IL1RAPL1: variants seen among roughly 807,000 people sequenced by gnomAD.
IL1RAPL1 encodes the protein interleukin 1 receptor accessory protein like 1, also known as interleukin-1 receptor accessory protein-like 1.
Under a neutral mutation model 48.4 loss-of-function variants are expected in IL1RAPL1, and 3 were observed. The observed-to-expected ratio is 0.06, with a 90% CI of 0.03 to 0.16. IL1RAPL1 has a LOEUF of 0.16. Ranked by LOEUF, IL1RAPL1 falls within the 10% of genes least tolerant of loss-of-function variation. The pLI, the probability that IL1RAPL1 is intolerant of heterozygous loss-of-function variation, is 1.00. For missense variants in IL1RAPL1, 349 were observed against 530.6 expected (o/e 0.66, Z 3.36); for synonymous variants, 185 against 187.7 (o/e 0.99, Z 0.12).
chrX:29,077,625 A>AAAGAG (rs200392530), intron 2 of IL1RAPL1, among the ~76,000 whole-genome samples: 1,278 of 107,540 alleles, frequency 0.012, 28 homozygotes, highest in African/African-American at 0.042. Flanking sequence ...AAAAAAAAGA[A>AAAGAG]AAAGAAAACC....
At chrX:29,325,988 G>A (rs748187629) in intron 3 of IL1RAPL1, among the ~76,000 whole-genome samples, 64 of 111,649 alleles carry the variant, frequency 5.7e-4, no homozygotes, top group African/African-American at 2.0e-3. Context: ...CCATTCATGA[G>A]GGATCTGTTT....
At chrX:29,873,886 A>T (rs952711515) in intron 6 of IL1RAPL1, among the ~76,000 whole-genome samples, 2 of 111,661 alleles carry the variant, frequency 1.8e-5, no homozygotes, top group Non-Finnish European at 3.8e-5. Flanking sequence ...AAATATTACG[A>T]GGTTATCTGT....
At chrX:28,894,895 A>G (rs960368332) in intron 2 of IL1RAPL1, among the ~76,000 whole-genome samples, 1 of 110,486 alleles carries the variant, frequency 9.1e-6, no homozygotes, top group African/African-American at 3.3e-5. Flanking sequence ...GGGAGAGCAC[A>G]TGTGTTTTTA....
chrX:29,399,225 G>A lies in IL1RAPL1; in HGVS notation c.620G>A (p.Arg207Lys), dbSNP rs752422198. The A allele has an allele frequency of 4.2e-6, 5 of 1,195,520 alleles. No individual in the cohort carries two copies. In the East Asian group the frequency reaches 1.5e-4, roughly 36 times the overall value. The change falls in exon 5 of 11, where the codon AGA becomes AAA. Residue 207 changes from arginine to lysine, a missense_variant. Physicochemically the swap from Arg to Lys is conservative, Grantham distance 26. Transcript: ENST00000378993. Reference protein sequence around the residue: ...KRDTLLIREVREDDIGNYTCE... With the variant: ...KRDTLLIREVKEDDIGNYTCE... The stretch of plus-strand genomic sequence containing the variant: ...GATACTCTGCTTATAAGAGAAGTCA[G>A]AGAAGATGACATTGGAAATTATACC...
rs750081642 is a variant in IL1RAPL1 at position 29,638,731 on chromosome X, C to G, written c.704-29699C>G. 2.4e-3 allele frequency among the ~76,000 whole-genome samples: 271 copies of G among 111,913 alleles called. 1 individual carries two copies. Among genetic ancestry groups the G allele is most frequent in the African/African-American group, 8.4e-3 (258 of 30,841 alleles). On this transcript the variant is annotated intron_variant, in intron 5 of 10. Coordinates refer to ENST00000378993, the MANE Select transcript of IL1RAPL1 (RefSeq NM_014271.4). ...TGTGCTATGTCGAGTTATCTTTTATCAAAAGAACTGTTAGTAACTGAGGAC... is the reference window on the plus strand; with the variant it reads ...TGTGCTATGTCGAGTTATCTTTTATGAAAAGAACTGTTAGTAACTGAGGAC...
intron 6 of IL1RAPL1, among the ~76,000 whole-genome samples, chrX:29,674,611 T>A (rs1351172519): frequency 2.7e-5 from 3 of 111,549 alleles, no homozygotes; most frequent in Non-Finnish European, 5.6e-5. Flanking sequence ...CATTTGTAGG[T>A]TTGTTATATA....
intron 2 of IL1RAPL1, among the ~76,000 whole-genome samples, chrX:28,924,360 C>T (rs1188256791): frequency 9.0e-6 from 1 of 111,067 alleles, no homozygotes; most frequent in Non-Finnish European, 1.9e-5. Context: ...ACTTTAATAC[C>T]CATTAATGAG....
intron 3 of IL1RAPL1, among the ~76,000 whole-genome samples, chrX:29,289,028 GT>G (rs1017765643): frequency 1.8e-5 from 2 of 111,030 alleles, no homozygotes; most frequent in African/African-American, 6.5e-5. Flanking sequence ...TTTCTCATAA[GT>G]TTTTTTAAGT....
chrX:29,328,506 C>T (rs957737009), intron 3 of IL1RAPL1, among the ~76,000 whole-genome samples: 4 of 110,391 alleles, frequency 3.6e-5, no homozygotes, highest in African/African-American at 1.3e-4. Context: ...CCTCAGGTGA[C>T]TACAAGTAAG....
chrX:29,422,202 A>G lies in IL1RAPL1; in HGVS notation c.703+22894A>G, dbSNP rs758697972. 2.7e-5 allele frequency among the ~76,000 whole-genome samples: 3 copies of G among 111,639 alleles called. No homozygotes were observed. The Admixed American group carries it at 2.9e-4, about 11-fold the overall frequency. ...TCTCTTTGGAATTTGAATGAGCCTGAGAGACAGGTTAGTCTTCCACAGAGG... is the reference window on the plus strand; with the variant it reads ...TCTCTTTGGAATTTGAATGAGCCTGGGAGACAGGTTAGTCTTCCACAGAGG... On this transcript the variant is annotated intron_variant, in intron 5 of 10. Coordinates refer to ENST00000378993, the MANE Select transcript of IL1RAPL1 (RefSeq NM_014271.4).
At chrX:29,562,888 G>T (rs1375456574) in intron 5 of IL1RAPL1, among the ~76,000 whole-genome samples, 1 of 111,811 alleles carries the variant, frequency 8.9e-6, no homozygotes, top group East Asian at 2.8e-4. Flanking sequence ...CTATTGGCAA[G>T]ATAGAACATG....
At chrX:29,009,763 C>T (rs1227989512) in intron 2 of IL1RAPL1, among the ~76,000 whole-genome samples, 1 of 111,576 alleles carries the variant, frequency 9.0e-6, no homozygotes, top group Non-Finnish European at 1.9e-5. Context: ...CATATAAATT[C>T]TGGAATAGTT....
chrX:29,316,268 G>A (rs1055650776), intron 3 of IL1RAPL1, among the ~76,000 whole-genome samples: 12 of 111,997 alleles, frequency 1.1e-4, no homozygotes, highest in Non-Finnish European at 2.1e-4. Context: ...CCAGAACCAC[G>A]AAAATGACAG....
At chrX:29,718,122 G>T (rs1306107827) in intron 6 of IL1RAPL1, among the ~76,000 whole-genome samples, 1 of 111,632 alleles carries the variant, frequency 9.0e-6, no homozygotes, top group African/African-American at 3.3e-5. Context: ...GATAAGGTCG[G>T]CTAGAAGCAG....
At chrX:29,747,361 A>C (rs1196853029) in intron 6 of IL1RAPL1, among the ~76,000 whole-genome samples, 1 of 112,804 alleles carries the variant, frequency 8.9e-6, no homozygotes, top group African/African-American at 3.2e-5. Flanking sequence ...ATTTCATGCC[A>C]ATTAACAGTA....
At chrX:28,902,316 T>C (rs1263460178) in intron 2 of IL1RAPL1, among the ~76,000 whole-genome samples, 1 of 111,151 alleles carries the variant, frequency 9.0e-6, no homozygotes, top group Non-Finnish European at 1.9e-5. Context: ...GGACCACAGG[T>C]GCATGCCACC....
chrX:28,605,481 C>A (rs2146880699), intron 1 of IL1RAPL1, among the ~76,000 whole-genome samples: 1 of 111,557 alleles, frequency 9.0e-6, no homozygotes, highest in South Asian at 3.8e-4. Context: ...TTACCCAGAT[C>A]TAGAATTTAA....
In IL1RAPL1 at chrX:28,853,484, T is replaced by TGCGC. The variant is rs1569186212; in HGVS notation, c.82+64060_82+64061insCGCG. Among the ~76,000 whole-genome samples, 399 of 104,002 alleles carry TGCGC rather than the reference T, an allele frequency of 3.8e-3. 5 individuals carry two copies. Among genetic ancestry groups the TGCGC allele is most frequent in the African/African-American group, 0.012 (360 of 28,929 alleles). 90.3% of individuals were successfully genotyped at this position (104,002 alleles called of 115,157 possible). On this transcript the variant is annotated intron_variant, in intron 2 of 10. Transcript: ENST00000378993. ...CATTGCAATCCCCTCAGTGCATGTG[T>TGCGC]GTGCGCGCGCACACACACACACACA...
intron 2 of IL1RAPL1, among the ~76,000 whole-genome samples, chrX:29,228,219 C>CACACACAA (rs1931122286): frequency 1.4e-5 from 1 of 74,054 alleles, no homozygotes; most frequent in African/African-American, 5.0e-5. Flanking sequence ...CACACACACA[C>CACACACAA]ACACAACTGT....
Sources: gnomAD v4.1 joint callset for allele counts (sites outside exome capture counted in the v4.1 genomes callset) on GRCh38, gnomAD v4.1.1 for gene constraint, MANE v1.5 for transcripts, NCBI Gene and HGNC (gene_info 2026-07-23, HGNC 2026-07-21) for gene names.